ABLIM1: variants seen among roughly 807,000 people sequenced by gnomAD.
ABLIM1 encodes the protein actin binding LIM protein 1, also known as actin-binding LIM protein 1.
In ABLIM1, 40 loss-of-function variants were observed where a neutral mutation model predicts 107.0. That is an observed-to-expected ratio of 0.37 (90% CI 0.29 to 0.49). ABLIM1 has a LOEUF of 0.49. ABLIM1 is among the 20% of genes least tolerant of loss of function. ABLIM1 has a pLI of 0.97. For synonymous variants in ABLIM1, 357 were observed against 357.3 expected, an observed-to-expected ratio of 1.00 and a Z score of 0.01; for missense variants, 857 against 1,008.5, an observed-to-expected ratio of 0.85 and a Z score of 2.04.
chr10:114,478,686 A>G (rs2056857636), intron 8 of ABLIM1, among the ~76,000 whole-genome samples: 2 of 151,944 alleles, frequency 1.3e-5, no homozygotes, highest in South Asian at 4.2e-4. Context: ...GGTCAATTAA[A>G]CCTCTTTTCT....
At chr10:114,755,459 T>G (rs1012241965) in intron 1 of ABLIM1, among the ~76,000 whole-genome samples, 8 of 152,234 alleles carry the variant, frequency 5.3e-5, no homozygotes, top group African/African-American at 1.9e-4. Context: ...AGGTCCAATA[T>G]GGACTCTCTG....
At chr10:114,452,997 T>C (rs183858659) in intron 13 of ABLIM1, among the ~76,000 whole-genome samples, 262 of 152,346 alleles carry the variant, frequency 1.7e-3, no homozygotes, top group African/African-American at 5.8e-3. Flanking sequence ...ATACTGTGGT[T>C]CAGTCTTTAG....
In ABLIM1 at chr10:114,752,428, T is replaced by C. The variant is rs558463669; in HGVS notation, c.-213+15633A>G. Among the ~76,000 whole-genome samples, 4 of 152,332 alleles carry C rather than the reference T, an allele frequency of 2.6e-5. No individual in the cohort carries two copies. In the East Asian group the frequency reaches 7.7e-4, roughly 29 times the overall value. ...AAAAAGAATGAATTCTCAGGTTTCA[T>C]TTATTTTTATTTTTATTTTAAGTTC... On this transcript the variant is annotated intron_variant, in intron 1 of 15. Coordinates refer to the ABLIM1 transcript ENST00000651092.
At chr10:114,488,119 A>G (rs1188438768) in intron 7 of ABLIM1, 103 bp from the exon 8 acceptor site, 4 of 1,223,648 alleles carry the variant, frequency 3.3e-6, no homozygotes, top group Admixed American at 1.7e-5. Context: ...TTTCCCCATC[A>G]TAGGAAGGTG....
At chr10:114,681,613 G>A (rs979252471) in intron 1 of ABLIM1, among the ~76,000 whole-genome samples, 28 of 152,080 alleles carry the variant, frequency 1.8e-4, no homozygotes, top group African/African-American at 6.3e-4. Flanking sequence ...AACTCTCTAC[G>A]CCACTTCAAT....
intron 2 of ABLIM1, chr10:114,601,592 C>T (rs2076006941): frequency 1.6e-6 from 1 of 628,414 alleles, no homozygotes; most frequent in Non-Finnish European, 2.9e-6. Context: ...GTCCCTTCTT[C>T]CAGGAGAAGG....
At chr10:114,467,874 G>A (rs752776453) in intron 11 of ABLIM1, among the ~76,000 whole-genome samples, 3 of 152,206 alleles carry the variant, frequency 2.0e-5, no homozygotes, top group Non-Finnish European at 2.9e-5. Flanking sequence ...TTATAGATGC[G>A]GACAAAGAGC....
At chr10:114,717,067 A>G (rs1188683893) in intron 1 of ABLIM1, among the ~76,000 whole-genome samples, 1 of 137,980 alleles carries the variant, frequency 7.2e-6, no homozygotes, top group East Asian at 1.9e-4. Flanking sequence ...CATTCATTCA[A>G]CCAATGTCTA....
intron 1 of ABLIM1, among the ~76,000 whole-genome samples, chr10:114,617,984 A>C (rs923648561): frequency 2.0e-5 from 3 of 152,154 alleles, no homozygotes; most frequent in African/African-American, 7.2e-5. Flanking sequence ...CCAAAGAAAC[A>C]AATATGCTTA....
intron 21 of ABLIM1, among the ~76,000 whole-genome samples, 161 bp from the exon 22 acceptor site, chr10:114,438,085 A>C (rs2059680874): frequency 2.0e-5 from 3 of 152,298 alleles, no homozygotes; most frequent in South Asian, 4.1e-4. Flanking sequence ...TGGAAGCTCC[A>C]GTTTCCAGGG....
chr10:114,793,997 T>C, the ABLIM1 span, among the ~76,000 whole-genome samples: 1 of 152,210 alleles, frequency 6.6e-6, no homozygotes. Context: ...CAGCCAGAAG[T>C]GATCAAGCTA....
chr10:114,753,714 T>A (rs2082568836), intron 1 of ABLIM1, among the ~76,000 whole-genome samples: 2 of 152,358 alleles, frequency 1.3e-5, no homozygotes, highest in South Asian at 4.2e-4. Flanking sequence ...AGAAACTTTT[T>A]AACAGTGCTT....
At chr10:114,506,812 T>C (rs961623992) in intron 6 of ABLIM1, among the ~76,000 whole-genome samples, 1 of 152,270 alleles carries the variant, frequency 6.6e-6, no homozygotes, top group Admixed American at 6.5e-5. Context: ...GTCGATAGTT[T>C]CTTTTGCTGT....
chr10:114,556,879 C>A (rs2497732), intron 4 of ABLIM1, among the ~76,000 whole-genome samples: 1 of 151,978 alleles, frequency 6.6e-6, no homozygotes, highest in Non-Finnish European at 1.5e-5. Context: ...AAACACCATG[C>A]GTATGAGGTC....
chr10:114,578,780 CTTTTCTTTTTT>C (rs907152947), intron 2 of ABLIM1, among the ~76,000 whole-genome samples: 2 of 87,558 alleles, frequency 2.3e-5, no homozygotes, highest in Non-Finnish European at 4.7e-5. Flanking sequence ...TTCTTTCTTT[CTTTTCTTTTTT>C]TTTTTTTTTT....
the ABLIM1 span, among the ~76,000 whole-genome samples, chr10:114,800,462 TG>T: frequency 6.6e-6 from 1 of 152,194 alleles, no homozygotes. Context: ...TAAGGGGAAA[TG>T]GTACATTATT....
chr10:114,438,187 TA>T (rs1459175790), intron 21 of ABLIM1, among the ~76,000 whole-genome samples: 5 of 152,232 alleles, frequency 3.3e-5, no homozygotes, highest in Admixed American at 2.6e-4. Flanking sequence ...GGCAGAACAC[TA>T]ACTTACTATG....
chr10:114,562,552 A>T (rs1207225097), intron 4 of ABLIM1, among the ~76,000 whole-genome samples: 1 of 152,144 alleles, frequency 6.6e-6, no homozygotes, highest in African/African-American at 2.4e-5. Context: ...ACAAACAAAC[A>T]AACATGTTTT....
intron 6 of ABLIM1, among the ~76,000 whole-genome samples, chr10:114,524,988 C>T (rs978341091): frequency 2.0e-5 from 3 of 152,260 alleles, no homozygotes; most frequent in African/African-American, 7.2e-5. Context: ...CCTTCCCCCT[C>T]GTTGGCAGCA....
Sources: allele counts gnomAD v4.1 joint callset (sites outside exome capture counted in the v4.1 genomes callset), GRCh38; gene constraint gnomAD v4.1.1; transcripts MANE v1.5; gene names NCBI Gene and HGNC (gene_info 2026-07-23, HGNC 2026-07-21).